Variants in CHODL observed in about 807,000 individuals in gnomAD.
CHODL encodes the protein transmembrane protein MT75.
CHODL carries 29 observed loss-of-function variants against 34.5 expected under a neutral mutation model. The observed-to-expected ratio is 0.84, with a 90% CI of 0.63 to 1.15. The LOEUF is 1.15. Among genes scored for constraint, CHODL ranks in the 50% most tolerant of loss-of-function variants. CHODL has a pLI of 0.00. For synonymous variants in CHODL, 125 were observed against 116.1 expected (o/e 1.08, Z -0.49); for missense variants, 332 against 332.5 (o/e 1.00, Z 0.01).
intron 2 of CHODL, among the ~76,000 whole-genome samples, chr21:18,212,519 A>G (rs1180729151): frequency 6.6e-6 from 1 of 152,072 alleles, no homozygotes; most frequent in Non-Finnish European, 1.5e-5. Context: ...TTTAAATTTC[A>G]TGAGGCTTTG....
At chr21:18,110,505 G>A (rs2065334845) in intron 2 of CHODL, among the ~76,000 whole-genome samples, 1 of 152,054 alleles carries the variant, frequency 6.6e-6, no homozygotes, top group East Asian at 1.9e-4. Context: ...CTTAAAGGAA[G>A]CCATTTGGAG....
intron 2 of CHODL, among the ~76,000 whole-genome samples, chr21:18,077,059 C>T (rs555080044): frequency 6.6e-6 from 1 of 152,316 alleles, no homozygotes; most frequent in South Asian, 2.1e-4. Flanking sequence ...ATGTGAGACT[C>T]CTGGCTCAGT....
intron 1 of CHODL, among the ~76,000 whole-genome samples, chr21:18,014,946 T>C (rs1186951488): frequency 6.6e-6 from 1 of 152,188 alleles, no homozygotes; most frequent in African/African-American, 2.4e-5. Flanking sequence ...CCTGAAAATA[T>C]GGAAACAACT....
rs778395500 is a variant in CHODL at position 17,945,963 on chromosome 21, G to GA, written c.-145+28571dup. Among the ~76,000 whole-genome samples the GA allele has an allele frequency of 4.0e-5, 6 of 151,348 alleles. No homozygotes were observed. In the South Asian group the frequency reaches 8.3e-4, roughly 21 times the overall value. ...GAATGATATATTCAAAGTGCTGAAT[G>GA]AAAAAAAAGTCAACAAAGAGTACTT... is the stretch of plus-strand genomic sequence containing the variant. On this transcript the variant is annotated intron_variant, in intron 1 of 6. Coordinates refer to the CHODL transcript ENST00000400127.
chr21:17,941,214 C>T (rs926644629), intron 1 of CHODL, among the ~76,000 whole-genome samples: 3 of 148,966 alleles, frequency 2.0e-5, no homozygotes, highest in East Asian at 2.0e-4. Context: ...GTTCAAAAGA[C>T]AAGGCAGATT....
At chr21:18,104,975 G>A (rs894327997) in intron 2 of CHODL, among the ~76,000 whole-genome samples, 12 of 152,194 alleles carry the variant, frequency 7.9e-5, no homozygotes, top group African/African-American at 2.7e-4. Context: ...ATATGTCATT[G>A]TTTGGCTGCC....
At chr21:17,942,406 C>T (rs1047779703) in intron 1 of CHODL, among the ~76,000 whole-genome samples, 1 of 151,980 alleles carries the variant, frequency 6.6e-6, no homozygotes. Context: ...GGGGAGTTTC[C>T]CTGCACAAGC....
At chr21:18,217,484 G>A (rs1468693572) in intron 2 of CHODL, among the ~76,000 whole-genome samples, 2 of 151,436 alleles carry the variant, frequency 1.3e-5, no homozygotes, top group Non-Finnish European at 3.0e-5. Flanking sequence ...CAGCATGAGG[G>A]TAACTGCCCC....
intron 2 of CHODL, among the ~76,000 whole-genome samples, chr21:18,067,300 G>A (rs2064744005): frequency 6.6e-6 from 1 of 152,186 alleles, no homozygotes; most frequent in Non-Finnish European, 1.5e-5. Context: ...TTGACAATAG[G>A]ATCATTGCAG....
At position 17,978,143 on chromosome 21, in the gene CHODL, G is replaced by A. The variant is rs144689054; in HGVS notation, c.-144-49729G>A. Among the ~76,000 whole-genome samples the A allele has an allele frequency of 2.5e-3, 384 of 152,208 alleles. 5 individuals carry two copies. The highest frequency in any genetic ancestry group is 8.9e-3 in the African/African-American group (371 of 41,556). On this transcript the variant is annotated intron_variant, in intron 1 of 6. Transcript: ENST00000400127. ...ATTACCAAGCCAAAAAAACACGTCG[G>A]CCAGGCGTGGTGGCTCACGCCTGTG...
chr21:18,225,936 G>C (rs994998022), intron 2 of CHODL, among the ~76,000 whole-genome samples: 2 of 152,074 alleles, frequency 1.3e-5, no homozygotes, highest in Admixed American at 6.6e-5. Flanking sequence ...GGTCTGGGGG[G>C]CCTTTATGCT....
intron 2 of CHODL, among the ~76,000 whole-genome samples, chr21:18,131,360 C>T (rs550317650): frequency 3.3e-5 from 5 of 152,136 alleles, no homozygotes; most frequent in East Asian, 3.9e-4. Context: ...AGGTAGAAAA[C>T]GTTTCATAAA....
chr21:18,091,065 A>G (rs565219644), intron 2 of CHODL, among the ~76,000 whole-genome samples: 5 of 152,258 alleles, frequency 3.3e-5, no homozygotes, highest in African/African-American at 1.2e-4. Flanking sequence ...CACCTGGGGG[A>G]CTTTGCATTG....
At chr21:18,265,553 G>T (rs192379392) in intron 5 of CHODL, among the ~76,000 whole-genome samples, 6 of 152,060 alleles carry the variant, frequency 3.9e-5, no homozygotes, top group Non-Finnish European at 7.4e-5. Flanking sequence ...AGGGATAAAA[G>T]AATACAAATT....
At chr21:18,090,025 A>T (rs1380132937) in intron 2 of CHODL, among the ~76,000 whole-genome samples, 2 of 152,252 alleles carry the variant, frequency 1.3e-5, no homozygotes, top group Non-Finnish European at 2.9e-5. Context: ...AACAACTGAT[A>T]CAATAAACAA....
At chr21:18,039,818 T>G (rs116609629) in intron 2 of CHODL, among the ~76,000 whole-genome samples, 1 of 151,792 alleles carries the variant, frequency 6.6e-6, no homozygotes, top group Non-Finnish European at 1.5e-5. Flanking sequence ...AAAATAACAA[T>G]TAAAGCCTTT....
At chr21:18,107,362 C>T (rs1013524380) in intron 2 of CHODL, among the ~76,000 whole-genome samples, 1 of 152,150 alleles carries the variant, frequency 6.6e-6, no homozygotes, top group African/African-American at 2.4e-5. Context: ...CAGCAGAGAA[C>T]ATCAGAAGCA....
chr21:18,247,957 G>A (rs1279960596), intron 1 of CHODL, among the ~76,000 whole-genome samples: 1 of 151,774 alleles, frequency 6.6e-6, no homozygotes, highest in Non-Finnish European at 1.5e-5. Context: ...GGATATGTTT[G>A]AAGAGCAAGT....
chr21:17,938,493 T>TTTGAG (rs1568806953), intron 1 of CHODL, among the ~76,000 whole-genome samples: 1 of 54,032 alleles, frequency 1.9e-5, no homozygotes, highest in Non-Finnish European at 3.1e-5. Flanking sequence ...TTTTTTTTTT[T>TTTGAG]AAGGAAAGGG....
Sources: allele counts gnomAD v4.1 joint callset (sites outside exome capture counted in the v4.1 genomes callset), GRCh38; gene constraint gnomAD v4.1.1; transcripts MANE v1.5; gene names NCBI Gene and HGNC (gene_info 2026-07-23, HGNC 2026-07-21).